LARP1: variants seen among roughly 807,000 people sequenced by gnomAD.
LARP1 encodes the protein La ribonucleoprotein 1, translational regulator.
In LARP1, 36 loss-of-function variants were observed where a neutral mutation model predicts 122.7. That is an observed-to-expected ratio of 0.29 (90% CI 0.22 to 0.39). The LOEUF is 0.39. Ranked by LOEUF, LARP1 falls within the 10% of genes least tolerant of loss-of-function variation. The pLI is 1.00. For missense variants in LARP1, 1,040 were observed against 1,403.6 expected (o/e 0.74, Z 4.14); for synonymous variants, 539 against 528.7 (o/e 1.02, Z -0.27).
intron 3 of LARP1, among the ~76,000 whole-genome samples, chr5:154,791,036 C>T (rs983820761): frequency 4.6e-5 from 7 of 151,486 alleles, no homozygotes; most frequent in South Asian, 2.1e-4. Flanking sequence ...AGGCTGGTCT[C>T]GAACTCCTGA....
chr5:154,719,569 A>G (rs1755726833), intron 1 of LARP1, among the ~76,000 whole-genome samples: 1 of 152,234 alleles, frequency 6.6e-6, no homozygotes, highest in Non-Finnish European at 1.5e-5. Context: ...AGTGGCAGAT[A>G]TAACTATTGT....
intron 15 of LARP1, among the ~76,000 whole-genome samples, chr5:154,807,200 T>C (rs1758857114): frequency 6.6e-6 from 1 of 152,236 alleles, no homozygotes; most frequent in Non-Finnish European, 1.5e-5. Flanking sequence ...TCATATTCCA[T>C]CGTATGGATG....
In LARP1 at chr5:154,764,175, G is replaced by A. The variant is rs1754713315; in HGVS notation, c.436+7982G>A. Among the ~76,000 whole-genome samples, 4 of 151,934 alleles carry A rather than the reference G, an allele frequency of 2.6e-5. No individual in the cohort carries two copies. The South Asian group carries it at 6.2e-4, about 24-fold the overall frequency. Reference sequence around the variant, plus strand: ...CATACAAAAATTAGCTGGGCGTGGTGGCATGCGCCTGTAATCCCCAGCTAC... The same window carrying A: ...CATACAAAAATTAGCTGGGCGTGGTAGCATGCGCCTGTAATCCCCAGCTAC... On this transcript the variant is annotated intron_variant, in intron 1 of 18. Transcript: ENST00000518297.
In LARP1 at chr5:154,817,554, T is replaced by G. The variant is rs1176122115; in HGVS notation, c.*3458T>G. ...CTTTGTAATTTGTGGTAATTATGCT[T>G]TTCTTTTTAATACAAAAAAATGTAT... On this transcript the variant is annotated 3_prime_UTR_variant, in exon 19 of 19. Coordinates refer to ENST00000518297, the MANE Select transcript of LARP1 (RefSeq NM_033551.3). 1.3e-5 allele frequency: 2 copies of G among 152,668 alleles called. No individual in the cohort carries two copies. Among genetic ancestry groups the G allele is most frequent in the Admixed American group, 6.5e-5 (1 of 15,288 alleles). The allele number at this position is 152,668 out of a possible 1,614,324, so 9.5% of individuals were successfully genotyped here. A position where few individuals can be genotyped will look rare whatever the true frequency, so the allele number is the denominator to read the frequency against.
In LARP1 at chr5:154,799,774, G is replaced by T; in HGVS notation, c.1546+15G>T. ...AAAGGAGACAGGTAGGTACCTGCTG[G>T]CATGAAGATTGCCCTTGTCCTCTGG... On this transcript the variant is annotated intron_variant, in intron 9 of 18. Coordinates refer to ENST00000518297, the MANE Select transcript of LARP1 (RefSeq NM_033551.3). The T allele has an allele frequency of 1.2e-6, 2 of 1,614,040 alleles. No individual in the cohort carries two copies. Among genetic ancestry groups the T allele is most frequent in the African/African-American group, 1.3e-5 (1 of 75,042 alleles).
chr5:154,723,827 G>GTC (rs1239245685), intron 1 of LARP1, among the ~76,000 whole-genome samples: 1 of 152,096 alleles, frequency 6.6e-6, no homozygotes, highest in Non-Finnish European at 1.5e-5. Context: ...ATATGGACTT[G>GTC]TTGCGGAACA....
rs1388035094 is a variant in LARP1, at chr5:154,803,359, C to A, written c.2179C>A (p.Pro727Thr). ...REQFDTLTPE[P>T]PVDPNQEVPP... ...GCAGTTTGACACACTGACCCCTGAG[C>A]CCCCTGTGGATCCCAACCAGGAAGT... The change falls in exon 12 of 19, where the codon CCC becomes ACC. Residue 727 changes from proline (P) to threonine (T), a missense_variant. By Grantham distance (38) the Pro-to-Thr change is conservative (BLOSUM62 -1). This residue lies in a region of LARP1 where 362 missense variants were observed against 533.1 expected (regional missense o/e 0.68). Transcript: ENST00000518297. This position sits in a 1 kb window ranked among gnomAD's most constrained non-coding sequence, Gnocchi z 4.4. The A allele has an allele frequency of 6.2e-7, 1 of 1,614,140 alleles. No homozygotes were observed. The highest frequency in any genetic ancestry group is 1.3e-5 in the African/African-American group (1 of 75,018).
chr5:154,810,936 A>C (rs1410316532), intron 16 of LARP1, among the ~76,000 whole-genome samples: 3 of 152,196 alleles, frequency 2.0e-5, no homozygotes, highest in Admixed American at 1.3e-4. Flanking sequence ...GTTGGCCATA[A>C]GGTGTTTGTC....
chr5:154,804,983 C>T (rs1255678278), intron 14 of LARP1: 1 of 449,784 alleles, frequency 2.2e-6, no homozygotes, highest in East Asian at 7.0e-5. Flanking sequence ...TTTTGACTCT[C>T]CAAAAGCCTA....
rs1323251828 is a variant in LARP1 at position 154,793,658 on chromosome 5, T to G, written c.803T>G (p.Leu268Arg). The stretch of plus-strand genomic sequence containing the variant: ...AAGCCTGAAGTGCCCAGAGAGAAAC[T>G]GGCTTCACGCCCCACTCGCCCACCG... ...DMKPEVPREK[L>R]ASRPTRPPEP... The change falls in exon 5 of 19, where the codon CTG becomes CGG. Residue 268 changes from leucine (L) to arginine (R), a missense_variant. Coordinates refer to ENST00000518297, the MANE Select transcript of LARP1 (RefSeq NM_033551.3). 6.2e-7 allele frequency: 1 copy of G among 1,614,140 alleles called. No individual in the cohort carries two copies. Among genetic ancestry groups the G allele is most frequent in the Admixed American group, 1.7e-5 (1 of 60,028 alleles).
intron 1 of LARP1, among the ~76,000 whole-genome samples, chr5:154,776,751 G>C (rs1473866996): frequency 6.6e-6 from 1 of 152,198 alleles, no homozygotes; most frequent in East Asian, 1.9e-4. Flanking sequence ...GACCACAGAA[G>C]TGGTATTGCA....
chr5:154,684,447 A>G (rs57106376), intron 1 of LARP1, among the ~76,000 whole-genome samples: 2 of 152,072 alleles, frequency 1.3e-5, no homozygotes, highest in Non-Finnish European at 2.9e-5. Flanking sequence ...CACACACACA[A>G]AAAAATTGTA....
rs569760689 is a variant in LARP1 at position 154,691,261 on chromosome 5, C to CAAA, written c.-180+8236_-180+8238dup. ...TGGGCGACAGAGGGAGACTCCGTCTCAAAAAAAAAAAAAAGAAAGAAAGTA... is the reference window on the plus strand; with the variant it reads ...TGGGCGACAGAGGGAGACTCCGTCTCAAAAAAAAAAAAAAAAAGAAAGAAAGTA... On this transcript the variant is annotated intron_variant, in intron 1 of 18. Coordinates refer to the LARP1 transcript ENST00000687700. Among the ~76,000 whole-genome samples the CAAA allele has an allele frequency of 1.8e-3, 211 of 115,546 alleles. 5 individuals carry two copies. Among genetic ancestry groups the CAAA allele is most frequent in the Middle Eastern group, 0.015 (3 of 206 alleles). 75.8% of individuals were successfully genotyped at this position (115,546 alleles called of 152,430 possible). A position where few individuals can be genotyped will look rare whatever the true frequency, so the allele number is the denominator to read the frequency against.
At chr5:154,806,239 C>T (rs553155787) in intron 15 of LARP1, among the ~76,000 whole-genome samples, 65 of 152,276 alleles carry the variant, frequency 4.3e-4, no homozygotes, top group South Asian at 3.5e-3. Context: ...GCACTCACAA[C>T]GTTCGTGTTC....
rs190545166 is a variant in LARP1, at chr5:154,760,064, A to G, written c.436+3871A>G. 4.6e-3 allele frequency among the ~76,000 whole-genome samples: 702 copies of G among 152,010 alleles called. 2 individuals carry two copies. Among genetic ancestry groups the G allele is most frequent in the Non-Finnish European group, 7.7e-3 (526 of 67,974 alleles). On this transcript the variant is annotated intron_variant, in intron 1 of 18. Transcript: ENST00000518297. ...AAGCGATTCTCCTGCCTCAGCCTTGAGAGTAGCTGGGATTACAGGCATGTG... is the reference window on the plus strand; with the variant it reads ...AAGCGATTCTCCTGCCTCAGCCTTGGGAGTAGCTGGGATTACAGGCATGTG...
chr5:154,736,089 T>A (rs1421667536), intron 1 of LARP1, among the ~76,000 whole-genome samples: 1 of 151,824 alleles, frequency 6.6e-6, no homozygotes, highest in East Asian at 1.9e-4. Context: ...CCAGCTAAGT[T>A]TTTTAATTTT....
At chr5:154,726,718 T>C (rs1471745854) in intron 1 of LARP1, among the ~76,000 whole-genome samples, 1 of 152,198 alleles carries the variant, frequency 6.6e-6, no homozygotes, top group African/African-American at 2.4e-5. Flanking sequence ...TAGTCTGTTC[T>C]CATGCTGCTA....
chr5:154,684,288 A>T (rs1309208201), intron 1 of LARP1, among the ~76,000 whole-genome samples: 1 of 152,118 alleles, frequency 6.6e-6, no homozygotes, highest in Non-Finnish European at 1.5e-5. Context: ...CTACAAAAAA[A>T]TTAAAAATTA....
At chr5:154,726,987 C>T (rs991637147) in intron 1 of LARP1, among the ~76,000 whole-genome samples, 2 of 152,196 alleles carry the variant, frequency 1.3e-5, no homozygotes, top group East Asian at 1.9e-4. Context: ...TCTACCTGGT[C>T]GTGCCCTTGA....
Sources: allele counts gnomAD v4.1 joint callset (sites outside exome capture counted in the v4.1 genomes callset), GRCh38; gene constraint gnomAD v4.1.1; regional missense constraint gnomAD v4.1.1; non-coding constraint Gnocchi (gnomAD v3.1); transcripts MANE v1.5; gene names NCBI Gene and HGNC (gene_info 2026-07-23, HGNC 2026-07-21).